PLCG2: variants seen among roughly 807,000 people sequenced by gnomAD.
PLCG2 encodes the protein phospholipase C gamma 2.
PLCG2 carries 69 observed loss-of-function variants against 175.6 expected under a neutral mutation model. The observed-to-expected ratio is 0.39, with a 90% CI of 0.32 to 0.48. PLCG2 has a LOEUF of 0.48. Ranked by LOEUF, PLCG2 falls within the 20% of genes least tolerant of loss-of-function variation. The pLI is 0.91. For synonymous variants in PLCG2, 827 were observed against 624.0 expected (o/e 1.33, Z -4.85); for missense variants, 1,798 against 1,650.9 (o/e 1.09, Z -1.54).
At chr16:81,911,076 A>G (rs561124290) in intron 18 of PLCG2, among the ~76,000 whole-genome samples, 96 of 152,272 alleles carry the variant, frequency 6.3e-4, no homozygotes, top group Admixed American at 2.0e-3. Flanking sequence ...AACAATGATT[A>G]TAAGAGTCTC....
At chr16:81,907,036 CA>C (rs56697259) in intron 15 of PLCG2, among the ~76,000 whole-genome samples, 26,376 of 96,860 alleles carry the variant, frequency 0.27, 1,598 homozygotes, top group African/African-American at 0.34. Context: ...GACTCTGTCT[CA>C]AAAAAAAAAA....
chr16:81,864,167 C>T (rs751562827), intron 5 of PLCG2, among the ~76,000 whole-genome samples: 1 of 152,126 alleles, frequency 6.6e-6, no homozygotes, highest in Non-Finnish European at 1.5e-5. Context: ...TGGGCTCCAT[C>T]TCACAGTGGC....
intron 5 of PLCG2, among the ~76,000 whole-genome samples, chr16:81,867,401 G>A (rs562807329): frequency 2.3e-4 from 35 of 152,268 alleles, no homozygotes; most frequent in African/African-American, 7.5e-4. Flanking sequence ...TGAGCTACTC[G>A]CTTGGAGGCA....
chr16:81,828,943 C>A (rs1905150810), intron 2 of PLCG2, among the ~76,000 whole-genome samples: 1 of 152,114 alleles, frequency 6.6e-6, no homozygotes. Context: ...CAGGAGATCA[C>A]AGAATGAATT....
intron 32 of PLCG2, among the ~76,000 whole-genome samples, chr16:81,957,649 C>T (rs1307783207): frequency 1.3e-5 from 2 of 152,108 alleles, no homozygotes; most frequent in African/African-American, 4.8e-5. Context: ...AAAGAATCAT[C>T]CAGACAAAAA....
chr16:81,946,017 G>A (rs1911134592), intron 30 of PLCG2, among the ~76,000 whole-genome samples, 158 bp from the exon 31 acceptor site: 1 of 152,154 alleles, frequency 6.6e-6, no homozygotes, highest in African/African-American at 2.4e-5. Context: ...TAACCATCAG[G>A]ATAGGACCTC....
At position 81,935,632 on chromosome 16, in the gene PLCG2, G is replaced by C. The variant is rs1228409690; in HGVS notation, c.2843-537G>C. 4 of 985,302 alleles carry C rather than the reference G, an allele frequency of 4.1e-6. No individual in the cohort carries two copies. In the East Asian group the frequency reaches 3.4e-4, roughly 84 times the overall value. 61.0% of individuals were successfully genotyped at this position (985,302 alleles called of 1,614,324 possible). ...TACCTTCAGGGACTCAGCAGGCTCA[G>C]CATGTTGACTGCCGGGCTATCCCAC... On this transcript the variant is annotated intron_variant, in intron 26 of 32. Transcript: ENST00000564138.
At chr16:81,742,627 G>A (rs1909619847) in intron 1 of PLCG2, among the ~76,000 whole-genome samples, 1 of 152,214 alleles carries the variant, frequency 6.6e-6, no homozygotes, top group South Asian at 2.1e-4. Flanking sequence ...GTGGACAGGA[G>A]TGACCACAGG....
At chr16:81,944,560 G>A (rs756597509) in intron 30 of PLCG2, among the ~76,000 whole-genome samples, 21 of 152,136 alleles carry the variant, frequency 1.4e-4, no homozygotes, top group African/African-American at 1.9e-4. Flanking sequence ...AGACTCCTGG[G>A]CTCAAGCAAT....
intron 19 of PLCG2, among the ~76,000 whole-genome samples, chr16:81,916,019 T>C (rs1225096727): frequency 6.6e-6 from 1 of 152,210 alleles, no homozygotes; most frequent in Non-Finnish European, 1.5e-5. Context: ...TACATGTCTG[T>C]ATCTATGGAA....
At chr16:81,808,610 C>T (rs147835355) in intron 2 of PLCG2, among the ~76,000 whole-genome samples, 1,503 of 152,234 alleles carry the variant, frequency 9.9e-3, no homozygotes, top group African/African-American at 0.035. Flanking sequence ...TCTCCTGTCT[C>T]AGCCTCCTGA....
Position 81,900,630 on chromosome 16 carries a change from C to A in PLCG2, c.1212C>A (p.Ser404=), listed in dbSNP as rs1405057614. Residue 404 remains serine (S), a synonymous_variant, in exon 14 of 33, where the codon TCC becomes TCA. Coordinates refer to ENST00000564138, the MANE Select transcript of PLCG2 (RefSeq NM_002661.5). ...FVTSSFPVIL[S]IEEHCSVEQQ... ...CCTGCAGCTTCCCAGTGATCCTGTCCATCGAGGAGCACTGCAGCGTGGAGC... is the reference window on the plus strand; with the variant it reads ...CCTGCAGCTTCCCAGTGATCCTGTCAATCGAGGAGCACTGCAGCGTGGAGC... The A allele has an allele frequency of 6.3e-7, 1 of 1,595,498 alleles. No homozygotes were observed.
chr16:81,869,611 A>G (rs999286731), intron 6 of PLCG2, among the ~76,000 whole-genome samples: 1 of 152,130 alleles, frequency 6.6e-6, no homozygotes, highest in African/African-American at 2.4e-5. Context: ...TTTTTTCCCT[A>G]GTGAAATGAA....
intron 13 of PLCG2, among the ~76,000 whole-genome samples, chr16:81,899,705 C>G (rs1477003804): frequency 6.6e-6 from 1 of 152,100 alleles, no homozygotes; most frequent in Non-Finnish European, 1.5e-5. Context: ...GCCTGGTGTT[C>G]CTGAGCAGGA....
chr16:81,911,291 T>C (rs943553917), intron 18 of PLCG2, among the ~76,000 whole-genome samples: 3 of 152,332 alleles, frequency 2.0e-5, no homozygotes, highest in Middle Eastern at 6.8e-3. Flanking sequence ...AACTTGCTAT[T>C]TCTTATCTTA....
chr16:81,764,367 C>G (rs1197797052), intron 2 of PLCG2, among the ~76,000 whole-genome samples: 2 of 152,094 alleles, frequency 1.3e-5, no homozygotes, highest in Non-Finnish European at 2.9e-5. Flanking sequence ...GGAAAGGAAA[C>G]CTGGACCCCA....
At chr16:81,756,748 G>C (rs796551087) in intron 2 of PLCG2, among the ~76,000 whole-genome samples, 6 of 152,348 alleles carry the variant, frequency 3.9e-5, no homozygotes, top group African/African-American at 1.4e-4. Context: ...GAGAGACAGT[G>C]AGTTGCCCAA....
In PLCG2 at chr16:81,936,390, C is replaced by G; in HGVS notation, c.3052+12C>G. 1 of 1,610,194 alleles carries G rather than the reference C, an allele frequency of 6.2e-7. No individual in the cohort carries two copies. The highest frequency in any genetic ancestry group is 8.5e-7 in the Non-Finnish European group (1 of 1,177,510). On this transcript the variant is annotated intron_variant, in intron 27 of 32. Coordinates refer to ENST00000564138, the MANE Select transcript of PLCG2 (RefSeq NM_002661.5). The stretch of plus-strand genomic sequence containing the variant: ...TTTCCAGACGGCAGGTAAAGGCCGA[C>G]TGAAGGTAGTCCCGTCCCTGCAAGG...
intron 2 of PLCG2, among the ~76,000 whole-genome samples, chr16:81,847,100 T>A (rs1258997069): frequency 2.6e-5 from 4 of 152,234 alleles, no homozygotes; most frequent in Non-Finnish European, 5.9e-5. Context: ...TGGCTATAAA[T>A]TGGGGTTCCA....
Sources: allele counts gnomAD v4.1 joint callset (sites outside exome capture counted in the v4.1 genomes callset), GRCh38; gene constraint gnomAD v4.1.1; transcripts MANE v1.5; gene names NCBI Gene and HGNC (gene_info 2026-07-23, HGNC 2026-07-21).